The following MAP4K4 variants were observed in gnomAD, a reference collection of about 807,000 sequenced individuals.
The protein encoded by MAP4K4 is mitogen-activated protein kinase kinase kinase kinase 4.
A neutral mutation model predicts 189.6 loss-of-function variants in MAP4K4; 38 were observed. That is an observed-to-expected ratio of 0.20 (90% CI 0.15 to 0.26). MAP4K4 has a LOEUF of 0.26. MAP4K4 is among the 10% of genes least tolerant of loss of function. The pLI, the probability that MAP4K4 is intolerant of heterozygous loss-of-function variation, is 1.00. For missense variants in MAP4K4, 1,054 were observed against 1,726.9 expected (o/e 0.61, Z 6.91); for synonymous variants, 610 against 624.3 (o/e 0.98, Z 0.34).
exon 33 of MAP4K4, chr2:101,894,196 A>C (rs1038033571): frequency 6.5e-6 from 1 of 152,792 alleles, no homozygotes; most frequent in Non-Finnish European, 1.5e-5. Flanking sequence ...CAATGACACC[A>C]TTACATAAGG....
chr2:101,698,685 CTG>C, intron 2 of MAP4K4, 147 bp downstream of exon 2: 2 of 723,970 alleles, frequency 2.8e-6, no homozygotes, highest in Non-Finnish European at 4.9e-6. Context: ...TGCAGTCCCT[CTG>C]TTTTTGCACA....
At chr2:101,798,311 A>AC (rs2094014533) in intron 3 of MAP4K4, among the ~76,000 whole-genome samples, 1 of 152,172 alleles carries the variant, frequency 6.6e-6, no homozygotes, top group African/African-American at 2.4e-5. Flanking sequence ...CTTTACACTT[A>AC]AAAGTAGTAA....
intron 2 of MAP4K4, among the ~76,000 whole-genome samples, chr2:101,787,149 A>G (rs752114051): frequency 1.1e-4 from 16 of 152,214 alleles, no homozygotes; most frequent in Non-Finnish European, 2.2e-4. Flanking sequence ...GAATCTCTCC[A>G]TGCACAAGTT....
At chr2:101,870,208 T>G in intron 22 of MAP4K4, 87 bp from the exon 23 acceptor site, 1 of 1,402,172 alleles carries the variant, frequency 7.1e-7, no homozygotes. Flanking sequence ...CATCTCATGT[T>G]TTGATTTTGA....
chr2:101,768,340 C>G (rs549183478), intron 2 of MAP4K4, among the ~76,000 whole-genome samples: 62 of 152,242 alleles, frequency 4.1e-4, no homozygotes, highest in African/African-American at 1.4e-3. Flanking sequence ...TCTTTTGATA[C>G]TATTAACTGC....
At chr2:101,785,737 T>C (rs866374837) in intron 2 of MAP4K4, among the ~76,000 whole-genome samples, 17 of 9,006 alleles carry the variant, frequency 1.9e-3, no homozygotes, top group African/African-American at 6.4e-3. Context: ...TCTCTCTCTC[T>C]CTCTCTCTCT....
intron 2 of MAP4K4, among the ~76,000 whole-genome samples, chr2:101,721,903 A>G (rs570503170): frequency 6.6e-6 from 1 of 152,332 alleles, no homozygotes; most frequent in South Asian, 2.1e-4. Flanking sequence ...CCTAAACCCA[A>G]TAAAAGCCAG....
chr2:101,729,453 T>C (rs1018811939), intron 2 of MAP4K4, among the ~76,000 whole-genome samples: 1 of 152,194 alleles, frequency 6.6e-6, no homozygotes, highest in Admixed American at 6.5e-5. Flanking sequence ...ATAGGTGTCT[T>C]GGGTGGTGGT....
intron 3 of MAP4K4, among the ~76,000 whole-genome samples, chr2:101,802,670 A>G (rs1023671091): frequency 2.0e-5 from 3 of 152,138 alleles, no homozygotes; most frequent in Non-Finnish European, 4.4e-5. Flanking sequence ...GCCCTGTTCT[A>G]TGTCACCGTA....
intron 32 of MAP4K4, among the ~76,000 whole-genome samples, chr2:101,890,439 T>C (rs2098549508): frequency 6.6e-6 from 1 of 151,776 alleles, no homozygotes; most frequent in Non-Finnish European, 1.5e-5. Flanking sequence ...GCCCCAGAGG[T>C]TTTTGTGGGT....
intron 8 of MAP4K4, 52 bp from the exon 9 acceptor site, chr2:101,835,848 C>A: frequency 8.2e-7 from 1 of 1,221,792 alleles, no homozygotes; most frequent in Non-Finnish European, 1.2e-6. Flanking sequence ...CCCTAGAAAT[C>A]AAGAATGAGT....
intron 2 of MAP4K4, among the ~76,000 whole-genome samples, chr2:101,785,822 C>G (rs1341744490): frequency 7.3e-6 from 1 of 137,112 alleles, no homozygotes; most frequent in Non-Finnish European, 1.6e-5. Flanking sequence ...TTCTTTCTTT[C>G]TTTCTTTCTT....
intron 1 of MAP4K4, 59 bp from the exon 2 acceptor site, chr2:101,698,414 G>T: frequency 1.4e-6 from 2 of 1,444,920 alleles, no homozygotes; most frequent in Non-Finnish European, 1.9e-6. Flanking sequence ...TGCCTTGCTT[G>T]ATTTATTCAT....
exon 33 of MAP4K4, chr2:101,893,772 G>C (rs2098597730): frequency 6.5e-6 from 1 of 153,830 alleles, no homozygotes; most frequent in African/African-American, 2.4e-5. Flanking sequence ...GAACTTGCTG[G>C]CTTTCCCATA....
intron 2 of MAP4K4, among the ~76,000 whole-genome samples, chr2:101,725,395 A>C (rs73943744): frequency 0.094 from 14,201 of 151,338 alleles, 1,045 homozygotes; most frequent in African/African-American, 0.19. Flanking sequence ...AGCAAAAAAA[A>C]AAAAACAAAA....
At chr2:101,760,863 C>T (rs550494644) in intron 2 of MAP4K4, among the ~76,000 whole-genome samples, 7 of 151,738 alleles carry the variant, frequency 4.6e-5, no homozygotes, top group African/African-American at 7.3e-5. Context: ...ATTAGCTGGG[C>T]GTGGTGGCGC....
At chr2:101,875,728 G>A (rs1415895242) in intron 26 of MAP4K4, among the ~76,000 whole-genome samples, 2 of 152,194 alleles carry the variant, frequency 1.3e-5, no homozygotes, top group Admixed American at 6.5e-5. Context: ...TGTGCTACAT[G>A]TTACAAAGGT....
intron 2 of MAP4K4, among the ~76,000 whole-genome samples, chr2:101,729,324 T>G (rs897402143): frequency 8.5e-5 from 13 of 152,234 alleles, no homozygotes. Flanking sequence ...TCTATTTGTG[T>G]GCAGTACAGC....
intron 7 of MAP4K4, among the ~76,000 whole-genome samples, chr2:101,832,668 A>C (rs1228353168): frequency 6.6e-6 from 1 of 152,234 alleles, no homozygotes; most frequent in Non-Finnish European, 1.5e-5. Flanking sequence ...TTCCCCAAAT[A>C]ATTATTATAC....
Sources: allele counts gnomAD v4.1 joint callset (sites outside exome capture counted in the v4.1 genomes callset), GRCh38; gene constraint gnomAD v4.1.1; transcripts MANE v1.5; gene names NCBI Gene and HGNC (gene_info 2026-07-23, HGNC 2026-07-21).